CAMK1D: variants seen among roughly 807,000 people sequenced by gnomAD.
The protein encoded by CAMK1D is calcium/calmodulin-dependent protein kinase type 1D.
CAMK1D carries 9 observed loss-of-function variants against 47.7 expected under a neutral mutation model. The ratio of observed to expected loss-of-function variants is 0.19; its 90% CI spans 0.11 to 0.33. CAMK1D has a LOEUF of 0.33. Ranked by LOEUF, CAMK1D falls within the 10% of genes least tolerant of loss-of-function variation. The probability of loss-of-function intolerance (pLI) is 1.00; values close to 1 mark genes in which losing one functional copy is unlikely to be tolerated. For missense variants in CAMK1D, 291 were observed against 488.7 expected, an observed-to-expected ratio of 0.60 and a Z score of 3.81; for synonymous variants, 184 against 184.9, an observed-to-expected ratio of 0.99 and a Z score of 0.04.
At chr10:12,605,976 T>A (rs1838447277) in intron 2 of CAMK1D, among the ~76,000 whole-genome samples, 1 of 152,178 alleles carries the variant, frequency 6.6e-6, no homozygotes, top group African/African-American at 2.4e-5. Context: ...CGGGGCAGAA[T>A]TTGGCCGTGA....
chr10:12,820,721 C>G (rs1412899515), intron 8 of CAMK1D, among the ~76,000 whole-genome samples: 1 of 152,200 alleles, frequency 6.6e-6, no homozygotes, highest in Non-Finnish European at 1.5e-5. Context: ...TTTCAGAGCT[C>G]CCCCTTGGAA....
At chr10:12,673,986 C>T (rs531584396) in intron 3 of CAMK1D, among the ~76,000 whole-genome samples, 1 of 152,086 alleles carries the variant, frequency 6.6e-6, no homozygotes, top group Non-Finnish European at 1.5e-5. Flanking sequence ...CTCTCTGTCA[C>T]CCAGGCTGGA....
intron 3 of CAMK1D, among the ~76,000 whole-genome samples, chr10:12,756,959 G>A (rs755843691): frequency 6.6e-6 from 1 of 152,154 alleles, no homozygotes; most frequent in Non-Finnish European, 1.5e-5. Flanking sequence ...CCCAAGTTCA[G>A]TGCAGAGGCA....
chr10:12,565,281 C>T (rs1187951832), intron 2 of CAMK1D, among the ~76,000 whole-genome samples: 1 of 152,064 alleles, frequency 6.6e-6, no homozygotes, highest in Non-Finnish European at 1.5e-5. Context: ...GATGGAGTCT[C>T]ACCCTGTCAC....
In CAMK1D at chr10:12,757,127, T is replaced by C. The variant is rs1464767652; in HGVS notation, c.300-3821T>C. 4.8e-5 allele frequency among the ~76,000 whole-genome samples: 7 copies of C among 145,256 alleles called. No individual in the cohort carries two copies. In the East Asian group the frequency reaches 1.5e-3, roughly 30 times the overall value. On this transcript the variant is annotated intron_variant, in intron 3 of 10. Transcript: ENST00000619168. ...CTCTCTCCTAATAGCTATTATGCCA[T>C]TCATTCACTTTATTTTTTTTTGAGA...
At chr10:12,494,503 G>A (rs1402587820) in intron 1 of CAMK1D, among the ~76,000 whole-genome samples, 2 of 152,140 alleles carry the variant, frequency 1.3e-5, no homozygotes, top group African/African-American at 4.8e-5. Context: ...TTTCAGTTTA[G>A]TGCATCATAA....
At chr10:12,738,282 C>T (rs1835269567) in intron 3 of CAMK1D, among the ~76,000 whole-genome samples, 1 of 152,134 alleles carries the variant, frequency 6.6e-6, no homozygotes, top group South Asian at 2.1e-4. Flanking sequence ...CCTTGTGTAA[C>T]TAGTGAACAA....
At chr10:12,794,123 G>T (rs1838093798) in intron 6 of CAMK1D, among the ~76,000 whole-genome samples, 1 of 152,198 alleles carries the variant, frequency 6.6e-6, no homozygotes, top group African/African-American at 2.4e-5. Context: ...TCTGGGCAGA[G>T]GAACAGTGAG....
chr10:12,486,073 T>C (rs943126541), intron 1 of CAMK1D, among the ~76,000 whole-genome samples: 1 of 152,076 alleles, frequency 6.6e-6, no homozygotes, highest in Non-Finnish European at 1.5e-5. Context: ...CAGCATCTTA[T>C]AATTTTGTAC....
chr10:12,435,729 C>T (rs559532696), intron 1 of CAMK1D, among the ~76,000 whole-genome samples: 11 of 152,184 alleles, frequency 7.2e-5, no homozygotes, highest in Non-Finnish European at 1.6e-4. Flanking sequence ...TGTAGGTCGC[C>T]TGTGGCTGGA....
chr10:12,355,780 C>T (rs570517167), intron 1 of CAMK1D, among the ~76,000 whole-genome samples: 45 of 152,222 alleles, frequency 3.0e-4, no homozygotes, highest in Middle Eastern at 6.8e-3. Context: ...GGTTGAACAC[C>T]TGCTATATTC....
chr10:12,354,388 G>A (rs927998878), intron 1 of CAMK1D, among the ~76,000 whole-genome samples: 1 of 151,728 alleles, frequency 6.6e-6, no homozygotes, highest in Non-Finnish European at 1.5e-5. Context: ...AAGGCAGGTT[G>A]GGGGTGGGGA....
At chr10:12,739,832 T>C (rs951002781) in intron 3 of CAMK1D, among the ~76,000 whole-genome samples, 3 of 152,300 alleles carry the variant, frequency 2.0e-5, no homozygotes, top group Middle Eastern at 3.4e-3. Flanking sequence ...TACCGACCCA[T>C]CGAATCATTT....
chr10:12,821,383 C>G (rs139944041), intron 8 of CAMK1D, among the ~76,000 whole-genome samples: 1,559 of 152,336 alleles, frequency 0.01, 16 homozygotes, highest in Non-Finnish European at 0.016. Flanking sequence ...GCCGAACCCC[C>G]GCTCCCATCT....
At chr10:12,650,184 C>T (rs1839920313) in intron 2 of CAMK1D, among the ~76,000 whole-genome samples, 1 of 152,232 alleles carries the variant, frequency 6.6e-6, no homozygotes, top group African/African-American at 2.4e-5. Context: ...TCATGCTTCT[C>T]TGCCCTTGCT....
intron 2 of CAMK1D, among the ~76,000 whole-genome samples, chr10:12,616,332 T>C (rs1838815008): frequency 6.6e-6 from 1 of 152,304 alleles, no homozygotes; most frequent in South Asian, 2.1e-4. Flanking sequence ...TCTTGGACAG[T>C]AATAGGAGTA....
chr10:12,736,763 C>T (rs1005682682), intron 3 of CAMK1D, among the ~76,000 whole-genome samples: 1 of 152,156 alleles, frequency 6.6e-6, no homozygotes, highest in Non-Finnish European at 1.5e-5. Context: ...CCAGAGCCAG[C>T]GTGGTATTTA....
At chr10:12,477,549 C>G (rs892492661) in intron 1 of CAMK1D, among the ~76,000 whole-genome samples, 2 of 152,156 alleles carry the variant, frequency 1.3e-5, no homozygotes, top group African/African-American at 4.8e-5. Context: ...TTCATAGGCA[C>G]CACTGCAGAC....
chr10:12,457,802 A>G (rs1390102540), intron 1 of CAMK1D, among the ~76,000 whole-genome samples: 3 of 150,586 alleles, frequency 2.0e-5, no homozygotes, highest in South Asian at 2.1e-4. Flanking sequence ...AAAAAAAAAG[A>G]AAGATGGACA....
Sources: gnomAD v4.1 joint callset for allele counts (sites outside exome capture counted in the v4.1 genomes callset) on GRCh38, gnomAD v4.1.1 for gene constraint, MANE v1.5 for transcripts, NCBI Gene and HGNC (gene_info 2026-07-23, HGNC 2026-07-21) for gene names.